KCNN3: variants seen among roughly 807,000 people sequenced by gnomAD.
KCNN3 encodes the protein potassium calcium-activated channel subfamily N member 3.
Under a neutral mutation model 62.9 loss-of-function variants are expected in KCNN3, and 16 were observed. The ratio of observed to expected loss-of-function variants is 0.25; its 90% CI spans 0.17 to 0.39. The LOEUF (loss-of-function observed/expected upper bound fraction) is 0.39, where lower values mean the gene tolerates loss of function less well. Ranked by LOEUF, KCNN3 falls within the 10% of genes least tolerant of loss-of-function variation. The probability of loss-of-function intolerance (pLI) is 1.00; values close to 1 mark genes in which losing one functional copy is unlikely to be tolerated. For missense variants in KCNN3, 599 were observed against 949.4 expected (o/e 0.63, Z 4.85); for synonymous variants, 370 against 389.2 (o/e 0.95, Z 0.58).
intron 2 of KCNN3, among the ~76,000 whole-genome samples, chr1:154,805,301 A>T (rs1417362743): frequency 6.6e-6 from 1 of 152,192 alleles, no homozygotes; most frequent in Admixed American, 6.5e-5. Context: ...TGATTCTCAC[A>T]TTCTGATGCA....
intron 3 of KCNN3, among the ~76,000 whole-genome samples, chr1:154,755,552 A>AAGAAAGAAAGAAAGAGAGAGAG (rs1380248475): frequency 2.9e-5 from 3 of 103,458 alleles, no homozygotes; most frequent in African/African-American, 9.7e-5. Context: ...GGAAGGAAGG[A>AAGAAAGAAAGAAAGAGAGAGAG]AGAAAGAAAG....
chr1:154,772,298 G>A lies in KCNN3; in HGVS notation c.1125C>T (p.Ile375=). ...ACTTGTACTCGCCAGGAATGGGGTG[G>A]ATGGCGCACACCAGCATCTCCAGGC... is the stretch of plus-strand genomic sequence containing the variant. ...YISLEMLVCA[I]HPIPGEYKFF... Residue 375 remains isoleucine (I), a synonymous_variant, in exon 3 of 8, where the codon ATC becomes ATT. Coordinates refer to ENST00000271915, the MANE Select transcript of KCNN3 (RefSeq NM_002249.6). The surrounding 1 kb of genome is among the most constrained non-coding windows in gnomAD (Gnocchi z 5.6). 1 of 1,614,170 alleles carries A rather than the reference G, an allele frequency of 6.2e-7. No homozygotes were observed. The highest frequency in any genetic ancestry group is 8.5e-7 in the Non-Finnish European group (1 of 1,180,000).
At chr1:154,836,923 G>C (rs1465266024) in intron 1 of KCNN3, among the ~76,000 whole-genome samples, 1 of 152,160 alleles carries the variant, frequency 6.6e-6, no homozygotes, top group Non-Finnish European at 1.5e-5. Context: ...AATGAATGAA[G>C]GGATGCTACC....
intron 1 of KCNN3, among the ~76,000 whole-genome samples, chr1:154,835,544 G>A (rs1170265760): frequency 2.0e-5 from 3 of 152,196 alleles, no homozygotes; most frequent in Non-Finnish European, 2.9e-5. Context: ...GCAAGGTGGT[G>A]TCACAGTGCC....
Position 154,869,281 on chromosome 1 carries a change from A to C in KCNN3, c.684T>G (p.His228Gln). The C allele has an allele frequency of 6.2e-7, 1 of 1,613,516 alleles. No homozygotes were observed. Among genetic ancestry groups the C allele is most frequent in the South Asian group, 1.1e-5 (1 of 91,036 alleles). The change falls in exon 1 of 8, where the codon CAT becomes CAG. Residue 228 changes from histidine to glutamine, a missense_variant. Coordinates refer to ENST00000271915, the MANE Select transcript of KCNN3 (RefSeq NM_002249.6). The surrounding 1 kb of genome is among the most constrained non-coding windows in gnomAD (Gnocchi z 6.1). Reference sequence around the variant, plus strand: ...GGTGATGGAGCAGGGTCTGGTGGGCATGGTTGTCCTCCCGGGAGGAGATGA... The same window carrying C: ...GGTGATGGAGCAGGGTCTGGTGGGCCTGGTTGTCCTCCCGGGAGGAGATGA... ...EIVISSREDN[H>Q]AHQTLLHHPN...
intron 2 of KCNN3, among the ~76,000 whole-genome samples, chr1:154,784,148 C>T (rs1025808136): frequency 6.6e-6 from 1 of 152,136 alleles, no homozygotes; most frequent in African/African-American, 2.4e-5. Flanking sequence ...GGCCAAGTGA[C>T]CCCGGCCAAT....
At chr1:154,856,053 G>A (rs936454239) in intron 1 of KCNN3, among the ~76,000 whole-genome samples, 26 of 152,274 alleles carry the variant, frequency 1.7e-4, no homozygotes, top group Middle Eastern at 3.4e-3. Flanking sequence ...CAGGTACCTC[G>A]GGGAAAAGTA....
In KCNN3 at chr1:154,772,016, A is replaced by G; in HGVS notation, c.1407T>C (p.Ser469=). 1 of 1,614,100 alleles carries G rather than the reference A, an allele frequency of 6.2e-7. No individual in the cohort carries two copies. The highest frequency in any genetic ancestry group is 2.2e-5 in the East Asian group (1 of 44,880). ...CGGTCCAGGCAGCAATGATCCACAG[A>G]GAGATGCTGAACACGAGCAGCACAG... ...PGTVLLVFSI[S]LWIIAAWTVR... The change falls in exon 3 of 8, where the codon TCT becomes TCC. Residue 469 remains serine, a synonymous_variant. Transcript: ENST00000271915. This position sits in a 1 kb window ranked among gnomAD's most constrained non-coding sequence, Gnocchi z 5.6.
chr1:154,869,783 G>A lies in KCNN3; in HGVS notation c.182C>T (p.Pro61Leu), dbSNP rs766732370. The change falls in exon 1 of 8, where the codon CCT becomes CTT. Residue 61 changes from proline to leucine, a missense_variant. Around this residue, in one of 7 missense-constraint regions of KCNN3, gnomAD observed 7 missense variants for 32.0 expected, o/e 0.22. Transcript: ENST00000271915. The surrounding 1 kb of genome is among the most constrained non-coding windows in gnomAD (Gnocchi z 6.1). ...PQQPLGPSLQ[P>L]QPPQLQQQQQ... is the part of the protein sequence containing the mutation. ...CTGCTGCTGAAGCTGCGGAGGCTGA[G>A]GCTGCAGCGAGGGTCCCAGGGGCTG... 92 of 1,287,242 alleles carry A rather than the reference G, an allele frequency of 7.1e-5. No individual in the cohort carries two copies. The highest frequency in any genetic ancestry group is 6.7e-5 in the Non-Finnish European group (66 of 989,694). 79.7% of individuals were successfully genotyped at this position (1,287,242 alleles called of 1,614,324 possible).
intron 1 of KCNN3, among the ~76,000 whole-genome samples, chr1:154,838,432 C>T (rs960258881): frequency 1.3e-5 from 2 of 152,158 alleles, no homozygotes; most frequent in East Asian, 1.9e-4. Flanking sequence ...TGAAGGCAGA[C>T]CCCCTAAGCA....
intron 2 of KCNN3, among the ~76,000 whole-genome samples, chr1:154,803,799 G>C (rs948967125): frequency 1.3e-5 from 2 of 152,182 alleles, no homozygotes; most frequent in African/African-American, 4.8e-5. Flanking sequence ...GTGACCATTT[G>C]GCTGGAGGGG....
intron 2 of KCNN3, among the ~76,000 whole-genome samples, chr1:154,796,704 G>A (rs1277409326): frequency 2.0e-5 from 3 of 152,240 alleles, no homozygotes; most frequent in Non-Finnish European, 4.4e-5. Flanking sequence ...GGCCCCTGCC[G>A]CTGTCAGCAT....
intron 3 of KCNN3, among the ~76,000 whole-genome samples, chr1:154,763,182 T>G (rs1648102344): frequency 6.6e-6 from 1 of 152,210 alleles, no homozygotes; most frequent in Middle Eastern, 3.2e-3. Flanking sequence ...ATTTCTAATT[T>G]TGTGTTTTCT....
chr1:154,831,283 C>G (rs1475619029), intron 1 of KCNN3, among the ~76,000 whole-genome samples: 4 of 152,178 alleles, frequency 2.6e-5, no homozygotes, highest in Non-Finnish European at 1.5e-5. Context: ...AACCTTTGGG[C>G]TCCATACAAA....
In KCNN3 at chr1:154,708,036, G is replaced by A. The variant is rs1571196612; in HGVS notation, c.2136C>T (p.Ser712=). The A allele has an allele frequency of 1.2e-6, 2 of 1,613,436 alleles. No individual in the cohort carries two copies. The highest frequency in any genetic ancestry group is 1.7e-6 in the Non-Finnish European group (2 of 1,179,524). Residue 712 remains serine (S), a synonymous_variant, in exon 8 of 8, where the codon AGC becomes AGT. Transcript: ENST00000271915. ...VGTTHTPISD[S]PIGVSSTSFP... is the part of the protein sequence containing the mutation. ...AGGAGGTGGAGCTGACCCCAATGGG[G>A]CTATCGGAGATTGGGGTGTGGGTGG...
chr1:154,864,850 G>A (rs1652893296), intron 1 of KCNN3, among the ~76,000 whole-genome samples: 1 of 152,162 alleles, frequency 6.6e-6, no homozygotes. Context: ...GAGGAGAGAT[G>A]CAGACCAGTT....
At chr1:154,756,186 A>C (rs1571243499) in intron 3 of KCNN3, among the ~76,000 whole-genome samples, 1 of 38,082 alleles carries the variant, frequency 2.6e-5, no homozygotes, top group Non-Finnish European at 5.2e-5. Flanking sequence ...GAGGTGGAGG[A>C]TGGGGAGGGG....
intron 2 of KCNN3, among the ~76,000 whole-genome samples, chr1:154,778,596 CCTCT>C (rs1367908006): frequency 4.6e-5 from 7 of 150,812 alleles, no homozygotes; most frequent in African/African-American, 9.8e-5. Flanking sequence ...TTTCTCTCTC[CCTCT>C]CTCTCTGTCT....
chr1:154,813,457 C>T (rs1028576936), intron 2 of KCNN3, among the ~76,000 whole-genome samples: 3 of 151,894 alleles, frequency 2.0e-5, no homozygotes, highest in South Asian at 4.2e-4. Context: ...GGGGAGGAGG[C>T]GTGGGAGGCC....
Sources: gnomAD v4.1 joint callset for allele counts (sites outside exome capture counted in the v4.1 genomes callset) on GRCh38, gnomAD v4.1.1 for gene constraint, gnomAD v4.1.1 regional missense constraint, Gnocchi (gnomAD v3.1) non-coding constraint, MANE v1.5 for transcripts, NCBI Gene and HGNC (gene_info 2026-07-23, HGNC 2026-07-21) for gene names.